TMEM131: variants seen among roughly 807,000 people sequenced by gnomAD.
TMEM131 encodes transmembrane protein 131.
A neutral mutation model predicts 211.6 loss-of-function variants in TMEM131; 66 were observed. The observed-to-expected ratio is 0.31, with a 90% CI of 0.26 to 0.38. TMEM131 has a LOEUF of 0.38. Among genes scored for constraint, TMEM131 ranks in the 10% least tolerant of loss-of-function variants. The probability of loss-of-function intolerance (pLI) is 1.00; values close to 1 mark genes in which losing one functional copy is unlikely to be tolerated. For synonymous variants in TMEM131, 844 were observed against 841.3 expected, an observed-to-expected ratio of 1.00 and a Z score of -0.06; for missense variants, 2,036 against 2,299.3, an observed-to-expected ratio of 0.89 and a Z score of 2.34.
At chr2:97,908,742 AT>A in intron 2 of TMEM131, 44 bp from the exon 3 acceptor site, 1 of 1,507,456 alleles carries the variant, frequency 6.6e-7, no homozygotes, top group Non-Finnish European at 9.2e-7. Context: ...GAAGCCAAAT[AT>A]TTATATTACA....
chr2:97,858,342 A>T (rs1273160714), intron 5 of TMEM131, among the ~76,000 whole-genome samples: 2 of 152,186 alleles, frequency 1.3e-5, no homozygotes, highest in Non-Finnish European at 1.5e-5. Context: ...GTATTCTCTC[A>T]AATTTAAAAT....
intron 4 of TMEM131, among the ~76,000 whole-genome samples, chr2:97,873,270 C>G (rs886658058): frequency 1.3e-5 from 2 of 152,208 alleles, no homozygotes; most frequent in African/African-American, 2.4e-5. Flanking sequence ...TAGATAAATC[C>G]CCAGCTCCCT....
intron 1 of TMEM131, among the ~76,000 whole-genome samples, chr2:97,943,487 T>C (rs1049244661): frequency 2.0e-4 from 31 of 152,188 alleles, no homozygotes; most frequent in African/African-American, 5.5e-4. Context: ...TTGTACACTG[T>C]GAACTACAAA....
chr2:97,932,546 T>A (rs1677273615), intron 1 of TMEM131, among the ~76,000 whole-genome samples: 1 of 152,160 alleles, frequency 6.6e-6, no homozygotes, highest in Non-Finnish European at 1.5e-5. Context: ...ATACCATACA[T>A]CTAAAAAGAT....
At chr2:97,758,751 G>A (rs1678648971) in intron 40 of TMEM131, 142 bp downstream of exon 40, 1 of 1,076,532 alleles carries the variant, frequency 9.3e-7, no homozygotes, top group Non-Finnish European at 1.3e-6. Flanking sequence ...CAAAGCAATG[G>A]AGACAATAAA....
chr2:97,775,593 T>A (rs1324630522), intron 32 of TMEM131, among the ~76,000 whole-genome samples: 2 of 152,220 alleles, frequency 1.3e-5, no homozygotes, highest in African/African-American at 4.8e-5. Flanking sequence ...CATCTTACTT[T>A]AGTAACATGC....
At chr2:97,830,075 T>C (rs1422072732) in intron 11 of TMEM131, among the ~76,000 whole-genome samples, 1 of 142,776 alleles carries the variant, frequency 7.0e-6, no homozygotes, top group Admixed American at 7.2e-5. Flanking sequence ...CAAAGAAATA[T>C]TCAACTGAAA....
Position 97,805,701 on chromosome 2 carries a change from C to G in TMEM131, c.2058G>C (p.Gly686=). 2.5e-6 allele frequency: 4 copies of G among 1,584,040 alleles called. No homozygotes were observed. Among genetic ancestry groups the G allele is most frequent in the Non-Finnish European group, 3.4e-6 (4 of 1,163,446 alleles). Reference sequence around the variant, plus strand: ...TATTTAAACTTTGATGAACTATTTTCCCCTGAAGGAAGAAAGCAAAGAACA... The same window carrying G: ...TATTTAAACTTTGATGAACTATTTTGCCCTGAAGGAAGAAAGCAAAGAACA... ...KHVVLPPSFP[G]KIVHQSLNIM... is the part of the protein sequence containing the mutation. Residue 686 remains glycine (G), a splice_region_variant and synonymous_variant, in exon 20 of 41, where the codon GGG becomes GGC. Coordinates refer to ENST00000186436, the MANE Select transcript of TMEM131 (RefSeq NM_015348.2).
chr2:97,909,665 A>G (rs1296855296), intron 2 of TMEM131, among the ~76,000 whole-genome samples: 1 of 152,220 alleles, frequency 6.6e-6, no homozygotes, highest in Non-Finnish European at 1.5e-5. Context: ...ATTTTGAAAT[A>G]GTATTTTGGA....
chr2:97,992,473 T>G (rs755284890), intron 1 of TMEM131, among the ~76,000 whole-genome samples: 3 of 152,182 alleles, frequency 2.0e-5, no homozygotes, highest in Non-Finnish European at 4.4e-5. Context: ...TGCCAATTAA[T>G]AAAACATGTG....
rs1368672994 is a variant in TMEM131, at chr2:97,759,210, G to A, written c.5207-157C>T. On this transcript the variant is annotated intron_variant, in intron 39 of 40. Coordinates refer to ENST00000186436, the MANE Select transcript of TMEM131 (RefSeq NM_015348.2). ...CACAGCCCAGAGGAAGTAGGGGCAG[G>A]AGTGTCCTCCAGAACTCAAACGCAT... 1.1e-5 allele frequency: 10 copies of A among 879,016 alleles called. No homozygotes were observed. In the East Asian group the frequency reaches 1.7e-4, roughly 15 times the overall value. The allele number at this position is 879,016 out of a possible 1,614,324, so 54.5% of individuals were successfully genotyped here. A position where few individuals can be genotyped will look rare whatever the true frequency, so the allele number is the denominator to read the frequency against.
intron 1 of TMEM131, among the ~76,000 whole-genome samples, chr2:97,957,606 T>TA (rs1041950501): frequency 6.6e-6 from 1 of 151,568 alleles, no homozygotes; most frequent in African/African-American, 2.4e-5. Context: ...AACCTAAACT[T>TA]AAAAAAAGAA....
At chr2:97,934,650 T>C (rs1405914226) in intron 1 of TMEM131, among the ~76,000 whole-genome samples, 1 of 152,164 alleles carries the variant, frequency 6.6e-6, no homozygotes, top group Non-Finnish European at 1.5e-5. Flanking sequence ...AGTGTGATAT[T>C]GGCAGAGGGA....
chr2:97,768,982 T>G (rs1679334214), intron 33 of TMEM131, among the ~76,000 whole-genome samples: 1 of 150,338 alleles, frequency 6.7e-6, no homozygotes, highest in South Asian at 2.1e-4. Context: ...AGGGTCTCAG[T>G]CTGTTGCTCA....
intron 1 of TMEM131, among the ~76,000 whole-genome samples, chr2:97,987,199 A>T (rs1680063495): frequency 6.6e-6 from 1 of 152,232 alleles, no homozygotes; most frequent in African/African-American, 2.4e-5. Flanking sequence ...CTTTGCAATC[A>T]TTATAACTGA....
intron 3 of TMEM131, among the ~76,000 whole-genome samples, chr2:97,894,358 C>T (rs918714325): frequency 6.6e-6 from 1 of 151,924 alleles, no homozygotes; most frequent in East Asian, 1.9e-4. Flanking sequence ...GTCTTGGCTA[C>T]GTGGGTTCTT....
intron 1 of TMEM131, among the ~76,000 whole-genome samples, chr2:97,988,257 T>C (rs923455373): frequency 1.3e-5 from 2 of 152,158 alleles, no homozygotes; most frequent in African/African-American, 4.8e-5. Flanking sequence ...GATATCCACA[T>C]GCAAAAGAAT....
intron 32 of TMEM131, among the ~76,000 whole-genome samples, chr2:97,774,990 G>C (rs1446124056): frequency 6.6e-6 from 1 of 152,172 alleles, no homozygotes; most frequent in East Asian, 1.9e-4. Flanking sequence ...GAATGACACT[G>C]CTGGAAATCT....
intron 4 of TMEM131, among the ~76,000 whole-genome samples, chr2:97,871,974 G>T (rs1674509139): frequency 6.6e-6 from 1 of 151,342 alleles, no homozygotes; most frequent in African/African-American, 2.4e-5. Context: ...GGGAGCCAGT[G>T]GTGTCTAGAT....
Sources: gnomAD v4.1 joint callset for allele counts (sites outside exome capture counted in the v4.1 genomes callset) on GRCh38, gnomAD v4.1.1 for gene constraint, MANE v1.5 for transcripts, NCBI Gene and HGNC (gene_info 2026-07-23, HGNC 2026-07-21) for gene names.